Variants in KCND2 observed in about 807,000 individuals in gnomAD.
KCND2 encodes A-type voltage-gated potassium channel KCND2.
In KCND2, 16 loss-of-function variants were observed where a neutral mutation model predicts 54.4. That is an observed-to-expected ratio of 0.29 (90% CI 0.20 to 0.45). The LOEUF is 0.45. KCND2 is among the 20% of genes least tolerant of loss of function. KCND2 has a pLI of 1.00. For missense variants in KCND2, 486 were observed against 824.2 expected (o/e 0.59, Z 5.02); for synonymous variants, 317 against 310.7 (o/e 1.02, Z -0.21).
chr7:120,512,237 T>A (rs1012578209), intron 1 of KCND2, among the ~76,000 whole-genome samples: 34 of 152,064 alleles, frequency 2.2e-4, no homozygotes, highest in African/African-American at 7.2e-5. Flanking sequence ...GGTAATTATA[T>A]TAATGAAAAA....
At chr7:120,631,842 G>C (rs1202978727) in intron 1 of KCND2, among the ~76,000 whole-genome samples, 1 of 152,080 alleles carries the variant, frequency 6.6e-6, no homozygotes, top group East Asian at 1.9e-4. Flanking sequence ...CAAATGTACA[G>C]ACTCCATTTT....
intron 1 of KCND2, among the ~76,000 whole-genome samples, chr7:120,595,106 C>G (rs1792721338): frequency 6.6e-6 from 1 of 151,954 alleles, no homozygotes; most frequent in Non-Finnish European, 1.5e-5. Context: ...GACATGTTGC[C>G]TAAGTCTCTT....
intron 1 of KCND2, among the ~76,000 whole-genome samples, chr7:120,322,896 C>A: frequency 6.6e-6 from 1 of 151,998 alleles, no homozygotes; most frequent in East Asian, 1.9e-4. Context: ...AAATTAGATT[C>A]TAGATATTAC....
At chr7:120,394,214 C>G (rs1801119580) in intron 1 of KCND2, among the ~76,000 whole-genome samples, 1 of 151,826 alleles carries the variant, frequency 6.6e-6, no homozygotes, top group East Asian at 1.9e-4. Context: ...CCTGAAGGCT[C>G]AGAAGTTCGG....
intron 1 of KCND2, among the ~76,000 whole-genome samples, chr7:120,713,785 T>A (rs911689382): frequency 2.6e-5 from 4 of 151,390 alleles, no homozygotes; most frequent in African/African-American, 9.7e-5. Context: ...GAGGATTTGC[T>A]GTCATATTAG....
chr7:120,663,039 C>T (rs996091042), intron 1 of KCND2, among the ~76,000 whole-genome samples: 4 of 152,162 alleles, frequency 2.6e-5, no homozygotes, highest in Non-Finnish European at 4.4e-5. Flanking sequence ...GCCTGACCTC[C>T]GTTGCAACAC....
chr7:120,298,811 G>A (rs897406320), intron 1 of KCND2, among the ~76,000 whole-genome samples: 8 of 152,242 alleles, frequency 5.3e-5, no homozygotes, highest in Non-Finnish European at 1.0e-4. Flanking sequence ...GAAGTCTTAC[G>A]CTTTACCTGT....
chr7:120,566,420 G>A (rs914005957), intron 1 of KCND2, among the ~76,000 whole-genome samples: 6 of 151,894 alleles, frequency 4.0e-5, no homozygotes, highest in African/African-American at 1.5e-4. Context: ...GCTCACTGTT[G>A]CAGCCTCCAC....
chr7:120,289,806 C>T (rs1368181457), intron 1 of KCND2, among the ~76,000 whole-genome samples: 1 of 152,076 alleles, frequency 6.6e-6, no homozygotes, highest in Non-Finnish European at 1.5e-5. Flanking sequence ...AAATGGCTTC[C>T]AACTTTTCAT....
intron 1 of KCND2, among the ~76,000 whole-genome samples, chr7:120,376,776 A>G (rs1800840233): frequency 6.6e-6 from 1 of 151,844 alleles, no homozygotes; most frequent in Admixed American, 6.6e-5. Context: ...TGCTAAACTG[A>G]CAGCATTAAA....
At chr7:120,475,432 C>T (rs1372473248) in intron 1 of KCND2, among the ~76,000 whole-genome samples, 2 of 152,136 alleles carry the variant, frequency 1.3e-5, no homozygotes, top group Non-Finnish European at 2.9e-5. Flanking sequence ...GCTAAATGCC[C>T]TATCCCTTTC....
intron 1 of KCND2, among the ~76,000 whole-genome samples, chr7:120,640,443 A>G (rs1455513888): frequency 6.6e-6 from 1 of 152,188 alleles, no homozygotes; most frequent in South Asian, 2.1e-4. Context: ...TTGTTTATCA[A>G]CATTATGGAG....
At chr7:120,366,606 G>A (rs924802582) in intron 1 of KCND2, among the ~76,000 whole-genome samples, 13 of 151,950 alleles carry the variant, frequency 8.6e-5, no homozygotes, top group African/African-American at 2.7e-4. Flanking sequence ...CAAGTTCTCA[G>A]TGGAATAGAT....
intron 1 of KCND2, among the ~76,000 whole-genome samples, chr7:120,579,597 T>C (rs1341354479): frequency 7.7e-6 from 1 of 130,374 alleles, no homozygotes; most frequent in Non-Finnish European, 1.6e-5. Flanking sequence ...CGAGACTCTG[T>C]CTAAAAATAA....
At chr7:120,377,142 G>T (rs1800844323) in intron 1 of KCND2, among the ~76,000 whole-genome samples, 1 of 151,936 alleles carries the variant, frequency 6.6e-6, no homozygotes, top group Non-Finnish European at 1.5e-5. Context: ...CACGTATCTT[G>T]TATAAAAGTT....
chr7:120,556,205 A>T (rs997327642), intron 1 of KCND2, among the ~76,000 whole-genome samples: 2 of 152,202 alleles, frequency 1.3e-5, no homozygotes, highest in African/African-American at 4.8e-5. Flanking sequence ...CCGTCTCTCA[A>T]TGCGTCCGAA....
chr7:120,584,853 A>G (rs1278485054), intron 1 of KCND2, among the ~76,000 whole-genome samples: 1 of 152,274 alleles, frequency 6.6e-6, no homozygotes, highest in Non-Finnish European at 1.5e-5. Flanking sequence ...TTGGGTTTGT[A>G]AAAGAAGAAT....
chr7:120,335,285 C>T (rs1463492075), intron 1 of KCND2, among the ~76,000 whole-genome samples: 3 of 146,802 alleles, frequency 2.0e-5, no homozygotes, highest in African/African-American at 7.5e-5. Flanking sequence ...ATCACTTGAA[C>T]CCAGGAGGCA....
chr7:120,403,915 T>C (rs1190100559), intron 1 of KCND2, among the ~76,000 whole-genome samples: 8 of 152,154 alleles, frequency 5.3e-5, no homozygotes, highest in Non-Finnish European at 1.2e-4. Context: ...CAAGGTATTT[T>C]TGCACATTGA....
Sources: gnomAD v4.1 joint callset for allele counts (sites outside exome capture counted in the v4.1 genomes callset) on GRCh38, gnomAD v4.1.1 for gene constraint, MANE v1.5 for transcripts, NCBI Gene and HGNC (gene_info 2026-07-23, HGNC 2026-07-21) for gene names.